MAP3K5: variants seen among roughly 807,000 people sequenced by gnomAD.
The protein encoded by MAP3K5 is ASK-1.
MAP3K5 carries 56 observed loss-of-function variants against 158.7 expected under a neutral mutation model. That is an observed-to-expected ratio of 0.35 (90% CI 0.28 to 0.44). The LOEUF is 0.44. MAP3K5 is among the 20% of genes least tolerant of loss of function. MAP3K5 has a pLI of 1.00. For missense variants in MAP3K5, 1,294 were observed against 1,674.8 expected, an observed-to-expected ratio of 0.77 and a Z score of 3.97; for synonymous variants, 579 against 601.7, an observed-to-expected ratio of 0.96 and a Z score of 0.55.
In MAP3K5 at chr6:136,613,148, T is replaced by C; in HGVS notation, c.2387A>G (p.Asp796Gly). The C allele has an allele frequency of 6.2e-7, 1 of 1,612,558 alleles. No individual in the cohort carries two copies. Among genetic ancestry groups the C allele is most frequent in the Non-Finnish European group, 8.5e-7 (1 of 1,179,394 alleles). The change falls in exon 17 of 30, where the codon GAC (aspartate) becomes GGC (glycine). Residue 796 changes from aspartate to glycine, a missense_variant. This residue lies in a region of MAP3K5 where 362 missense variants were observed against 463.2 expected (regional missense o/e 0.78). Coordinates refer to ENST00000359015, the MANE Select transcript of MAP3K5 (RefSeq NM_005923.4). The surrounding 1 kb of genome is among the most constrained non-coding windows in gnomAD (Gnocchi z 4.0). ...TATGTCCCGGTGAACTATCTGATTG[T>C]CATGGAGATATTTTAATCCTTCCAG... ...QILEGLKYLH[D>G]NQIVHRDIKG... is the part of the protein sequence containing the mutation.
In MAP3K5 at chr6:136,594,785, A is replaced by T. The variant is rs575635140; in HGVS notation, c.2879-2171T>A. ...GAAGAGTACAAGATGAGGGATTCCT[A>T]TCGTGTGTTTCCGTGTTTGTGTGTG... On this transcript the variant is annotated intron_variant, in intron 21 of 29. Transcript: ENST00000359015. Among the ~76,000 whole-genome samples, 7 of 151,796 alleles carry T rather than the reference A, an allele frequency of 4.6e-5. No individual in the cohort carries two copies. In the South Asian group the frequency reaches 1.0e-3, roughly 23 times the overall value.
chr6:136,597,338 C>T (rs539582532), intron 21 of MAP3K5, among the ~76,000 whole-genome samples: 4 of 152,304 alleles, frequency 2.6e-5, no homozygotes, highest in African/African-American at 9.6e-5. Context: ...AGATACATTC[C>T]TGCTTTGGGA....
chr6:136,702,077 T>G (rs1014795391), intron 3 of MAP3K5, among the ~76,000 whole-genome samples: 2 of 152,186 alleles, frequency 1.3e-5, no homozygotes, highest in African/African-American at 4.8e-5. Context: ...GGTATAAGGC[T>G]TCAGAGTCTT....
chr6:136,687,054 T>C (rs906852211), intron 7 of MAP3K5, among the ~76,000 whole-genome samples: 3 of 152,154 alleles, frequency 2.0e-5, no homozygotes, highest in Non-Finnish European at 4.4e-5. Context: ...CAAAACATCA[T>C]GGTACTGATA....
chr6:136,770,790 T>G (rs1784165597), intron 1 of MAP3K5, among the ~76,000 whole-genome samples: 1 of 152,040 alleles, frequency 6.6e-6, no homozygotes. Context: ...AATGAATACT[T>G]CTCGGATATA....
intron 7 of MAP3K5, among the ~76,000 whole-genome samples, chr6:136,677,462 TCTCA>T (rs1779757927): frequency 6.6e-6 from 1 of 152,204 alleles, no homozygotes; most frequent in East Asian, 1.9e-4. Flanking sequence ...GAAGATGCTA[TCTCA>T]GACATTTTAG....
chr6:136,557,572 T>C lies in MAP3K5; in HGVS notation c.*186A>G, dbSNP rs765892456. ...CCTTATGAAGAGTCCTTAAAAATTA[T>C]AGAAATAGATGTAGTTAGGAAATTT... On this transcript the variant is annotated 3_prime_UTR_variant, in exon 30 of 30. Transcript: ENST00000359015. The C allele has an allele frequency of 1.7e-4, 92 of 538,688 alleles. No homozygotes were observed. Among genetic ancestry groups the C allele is most frequent in the Non-Finnish European group, 2.7e-4 (82 of 303,130 alleles). The allele number at this position is 538,688 out of a possible 1,614,324, so 33.4% of individuals were successfully genotyped here. A position where few individuals can be genotyped will look rare whatever the true frequency, so the allele number is the denominator to read the frequency against.
chr6:136,698,503 T>C lies in MAP3K5; in HGVS notation c.792A>G (p.Ala264=). The C allele has an allele frequency of 6.2e-7, 1 of 1,613,740 alleles. No homozygotes were observed. The highest frequency in any genetic ancestry group is 8.5e-7 in the Non-Finnish European group (1 of 1,179,784). The part of the protein sequence containing the change: ...VDRFIQLLKV[A]QASSSQYFRE... ...TTAAACTTTACCTAGAACTTGCTTG[T>C]GCCACCTTCAAAAGTTGAATAAAAC... Residue 264 remains alanine (A), a synonymous_variant, in exon 4 of 30, where the codon GCA becomes GCG. Coordinates refer to ENST00000359015, the MANE Select transcript of MAP3K5 (RefSeq NM_005923.4).
rs567125406 is a variant in MAP3K5 at position 136,587,134 on chromosome 6, A to G, written c.3226-3394T>C. On this transcript the variant is annotated intron_variant, in intron 23 of 29. Transcript: ENST00000359015. ...CCTTTAAACTTCCTCAAAAACCAGG[A>G]AAGGATTTCAGAAGGATGTTACAGA... Among the ~76,000 whole-genome samples, 13 of 152,338 alleles carry G rather than the reference A, an allele frequency of 8.5e-5. No homozygotes were observed. The South Asian group carries it at 2.7e-3, about 32-fold the overall frequency.
At chr6:136,568,857 C>CAAAAAAAAAAAAAAAAAAAAAAAAAA (rs60185973) in intron 25 of MAP3K5, among the ~76,000 whole-genome samples, 1 of 45,944 alleles carries the variant, frequency 2.2e-5, no homozygotes. Context: ...GAGTCTGTCT[C>CAAAAAAAAAAAAAAAAAAAAAAAAAA]AAAAAAAAAA....
At position 136,792,331 on chromosome 6, in the gene MAP3K5, C is replaced by A; in HGVS notation, c.-174G>T. 1 of 1,004,136 alleles carries A rather than the reference C, an allele frequency of 1.0e-6. No homozygotes were observed. The highest frequency in any genetic ancestry group is 4.5e-5 in the South Asian group (1 of 22,012). 62.2% of individuals were successfully genotyped at this position (1,004,136 alleles called of 1,614,324 possible). On this transcript the variant is annotated 5_prime_UTR_variant, in exon 1 of 30. Coordinates refer to ENST00000359015, the MANE Select transcript of MAP3K5 (RefSeq NM_005923.4). The surrounding 1 kb of genome is among the most constrained non-coding windows in gnomAD (Gnocchi z 5.7). ...GGCGCCCTCTCCCCCGAGGGCACGCCGCTGCCCGGCGGCGGCTCGCTCCTC... is the reference window on the plus strand; with the variant it reads ...GGCGCCCTCTCCCCCGAGGGCACGCAGCTGCCCGGCGGCGGCTCGCTCCTC...
At chr6:136,691,369 A>T (rs1359410975) in intron 7 of MAP3K5, among the ~76,000 whole-genome samples, 1 of 152,108 alleles carries the variant, frequency 6.6e-6, no homozygotes, top group Admixed American at 6.6e-5. Flanking sequence ...CCAGCACTTC[A>T]GGAGGCCGAG....
At chr6:136,636,975 A>G (rs1433461485) in intron 14 of MAP3K5, 24 of 1,040,482 alleles carry the variant, frequency 2.3e-5, no homozygotes, top group Non-Finnish European at 2.8e-5. Flanking sequence ...GGTGCTATCA[A>G]CCAGAATCTT....
chr6:136,604,925 C>T (rs1776039065), intron 19 of MAP3K5, among the ~76,000 whole-genome samples: 1 of 152,172 alleles, frequency 6.6e-6, no homozygotes, highest in Admixed American at 6.5e-5. Context: ...CTTAAATCAT[C>T]TTCAGTATAG....
chr6:136,557,603 T>G lies in MAP3K5; in HGVS notation c.*155A>C. On this transcript the variant is annotated 3_prime_UTR_variant, in exon 30 of 30. Coordinates refer to ENST00000359015, the MANE Select transcript of MAP3K5 (RefSeq NM_005923.4). ...TAGATGTAGTTAGGAAATTTCAGTG[T>G]GTTTTGTCTGTTTTTTTTTTTTTTA... 1.8e-6 allele frequency: 1 copy of G among 571,120 alleles called. No individual in the cohort carries two copies. The highest frequency in any genetic ancestry group is 3.1e-6 in the Non-Finnish European group (1 of 322,476). The allele number at this position is 571,120 out of a possible 1,614,324, so 35.4% of individuals were successfully genotyped here. A position where few individuals can be genotyped will look rare whatever the true frequency, so the allele number is the denominator to read the frequency against.
chr6:136,791,649 A>C lies in MAP3K5; in HGVS notation c.448+61T>G, dbSNP rs556877287. ...CGCCCAGAAAAATGAAATGCCCCGA[A>C]GACCGCCAGATTAAACGCGGGTCCC... is the stretch of plus-strand genomic sequence containing the variant. On this transcript the variant is annotated intron_variant, in intron 1 of 29. Coordinates refer to ENST00000359015, the MANE Select transcript of MAP3K5 (RefSeq NM_005923.4). 2.2e-5 allele frequency: 35 copies of C among 1,560,668 alleles called. 1 individual carries two copies. In the African/African-American group the frequency reaches 4.3e-4, roughly 19 times the overall value.
At chr6:136,788,174 A>G (rs1054830364) in intron 1 of MAP3K5, among the ~76,000 whole-genome samples, 2 of 152,222 alleles carry the variant, frequency 1.3e-5, no homozygotes, top group South Asian at 2.1e-4. Context: ...CAAAGTCAAC[A>G]AAGTAAGTAA....
intron 1 of MAP3K5, among the ~76,000 whole-genome samples, chr6:136,752,412 TTTTG>T (rs1783252810): frequency 2.0e-5 from 3 of 152,208 alleles, no homozygotes; most frequent in South Asian, 2.1e-4. Flanking sequence ...AGCTGGGTTT[TTTTG>T]TTTGTTTGTT....
intron 8 of MAP3K5, among the ~76,000 whole-genome samples, chr6:136,661,808 T>A (rs752262624): frequency 1.3e-5 from 2 of 152,216 alleles, no homozygotes; most frequent in Non-Finnish European, 2.9e-5. Flanking sequence ...CCCAAAGTTC[T>A]GGGATTACAG....
Sources: allele counts gnomAD v4.1 joint callset (sites outside exome capture counted in the v4.1 genomes callset), GRCh38; gene constraint gnomAD v4.1.1; regional missense constraint gnomAD v4.1.1; non-coding constraint Gnocchi (gnomAD v3.1); transcripts MANE v1.5; gene names NCBI Gene and HGNC (gene_info 2026-07-23, HGNC 2026-07-21).